POU2F1: variants seen among roughly 807,000 people sequenced by gnomAD.
POU2F1 encodes the protein POU class 2 homeobox 1, also known as POU domain, class 2, transcription factor 1.
POU2F1 carries 16 observed loss-of-function variants against 84.9 expected under a neutral mutation model. The observed-to-expected ratio is 0.19, with a 90% CI of 0.13 to 0.29. The LOEUF is 0.29. Ranked by LOEUF, POU2F1 falls within the 10% of genes least tolerant of loss-of-function variation. The pLI is 1.00. For missense variants in POU2F1, 738 were observed against 942.6 expected (o/e 0.78, Z 2.84); for synonymous variants, 368 against 368.3 (o/e 1.00, Z 0.01).
chr1:167,283,440 A>G (rs1353051565), intron 1 of POU2F1, among the ~76,000 whole-genome samples: 1 of 152,244 alleles, frequency 6.6e-6, no homozygotes, highest in Non-Finnish European at 1.5e-5. Context: ...TTGATGTTAC[A>G]CATAACATGA....
chr1:167,379,162 G>C (rs1647321270), intron 7 of POU2F1: 1 of 152,146 alleles, frequency 6.6e-6, no homozygotes, highest in African/African-American at 2.4e-5. Flanking sequence ...TGAACTCCTG[G>C]GTTCAAGCGA....
At chr1:167,370,965 CTA>C (rs1659968270) in intron 4 of POU2F1, among the ~76,000 whole-genome samples, 1 of 152,102 alleles carries the variant, frequency 6.6e-6, no homozygotes, top group South Asian at 2.1e-4. Flanking sequence ...GTTTAGGTAA[CTA>C]GCAGTCAAGA....
chr1:167,226,801 G>C (rs1648662387), intron 1 of POU2F1, among the ~76,000 whole-genome samples: 1 of 151,984 alleles, frequency 6.6e-6, no homozygotes, highest in Non-Finnish European at 1.5e-5. Flanking sequence ...TTTTGTTTTT[G>C]GGTTTTATTT....
intron 8 of POU2F1, 43 bp from the exon 9 acceptor site, chr1:167,389,545 T>G: frequency 1.9e-6 from 3 of 1,608,098 alleles, no homozygotes; most frequent in Non-Finnish European, 2.6e-6. Context: ...CCTAAATATC[T>G]CTTCACGTGT....
At chr1:167,381,400 A>G (rs969169404) in intron 7 of POU2F1, among the ~76,000 whole-genome samples, 3 of 151,744 alleles carry the variant, frequency 2.0e-5, no homozygotes, top group South Asian at 2.1e-4. Context: ...GGTTTTTTAA[A>G]AAGTTCTAAA....
In POU2F1 at chr1:167,262,274, C is replaced by T. The variant is rs146276522; in HGVS notation, c.61+41316C>T. ...CTCAGGCTCCTAAGCTTAAGTGATC[C>T]TCCCACCTCAGCCTCCCAAGTAGCT... is the stretch of plus-strand genomic sequence containing the variant. On this transcript the variant is annotated intron_variant, in intron 1 of 15. Coordinates refer to ENST00000367866, the MANE Select transcript of POU2F1 (RefSeq NM_002697.4). 2.8e-4 allele frequency among the ~76,000 whole-genome samples: 43 copies of T among 152,206 alleles called. 1 individual carries two copies. Among genetic ancestry groups the T allele is most frequent in the Admixed American group, 2.7e-3 (42 of 15,294 alleles).
chr1:167,354,001 C>T (rs1349113804), intron 2 of POU2F1, among the ~76,000 whole-genome samples: 1 of 152,158 alleles, frequency 6.6e-6, no homozygotes, highest in Non-Finnish European at 1.5e-5. Context: ...TTGCCTGTTT[C>T]CATAATGAAA....
chr1:167,335,594 A>G (rs1434832676), intron 2 of POU2F1, among the ~76,000 whole-genome samples: 1 of 152,158 alleles, frequency 6.6e-6, no homozygotes, highest in African/African-American at 2.4e-5. Flanking sequence ...AGCAAAACTG[A>G]GCAATCATTC....
intron 1 of POU2F1, among the ~76,000 whole-genome samples, chr1:167,319,677 A>G (rs1032029486): frequency 2.0e-5 from 3 of 151,756 alleles, no homozygotes; most frequent in Admixed American, 6.6e-5. Context: ...AAAAGGTGAC[A>G]TTTAACACAA....
intron 1 of POU2F1, among the ~76,000 whole-genome samples, chr1:167,234,744 T>C (rs1225307457): frequency 6.6e-6 from 1 of 152,140 alleles, no homozygotes; most frequent in African/African-American, 2.4e-5. Context: ...TTAAAACAAA[T>C]ATATATGAAA....
intron 13 of POU2F1, among the ~76,000 whole-genome samples, chr1:167,402,143 G>A (rs1571450081): frequency 6.6e-6 from 1 of 151,696 alleles, no homozygotes; most frequent in African/African-American, 2.4e-5. Context: ...TTTTCCTTTG[G>A]CCTCTTTTAA....
chr1:167,339,848 T>C, intron 2 of POU2F1, among the ~76,000 whole-genome samples: 1 of 152,360 alleles, frequency 6.6e-6, no homozygotes, highest in East Asian at 1.9e-4. Flanking sequence ...TAAAACAATT[T>C]GTTATAATCA....
intron 9 of POU2F1, among the ~76,000 whole-genome samples, chr1:167,390,537 C>A (rs1375186489): frequency 6.6e-6 from 1 of 152,164 alleles, no homozygotes; most frequent in African/African-American, 2.4e-5. Flanking sequence ...GTAATCCCAG[C>A]ACTTTGGGAG....
intron 1 of POU2F1, among the ~76,000 whole-genome samples, chr1:167,309,430 C>CT (rs1655307109): frequency 6.6e-6 from 1 of 152,110 alleles, no homozygotes; most frequent in East Asian, 1.9e-4. Flanking sequence ...ACTTCACTCT[C>CT]ATTATCCTTA....
intron 15 of POU2F1, 73 bp from the exon 16 acceptor site, chr1:167,415,427 T>C: frequency 6.8e-7 from 1 of 1,463,720 alleles, no homozygotes. Context: ...AGACTTTTGA[T>C]GTGTTATTTG....
intron 1 of POU2F1, chr1:167,257,909 G>A (rs1230892004): frequency 6.6e-6 from 1 of 151,764 alleles, no homozygotes; most frequent in East Asian, 1.9e-4. Context: ...TGAGTAGCTG[G>A]GACTACAGGT....
chr1:167,259,110 A>G (rs1011280121), intron 1 of POU2F1, among the ~76,000 whole-genome samples: 2 of 152,208 alleles, frequency 1.3e-5, no homozygotes, highest in South Asian at 2.1e-4. Flanking sequence ...GTAGGCTAAG[A>G]TGCTTCAGCA....
chr1:167,300,356 A>C (rs1319442191), intron 1 of POU2F1, among the ~76,000 whole-genome samples: 1 of 152,230 alleles, frequency 6.6e-6, no homozygotes, highest in Non-Finnish European at 1.5e-5. Context: ...TAGAAGCCAA[A>C]ACTTCAGTAT....
intron 2 of POU2F1, among the ~76,000 whole-genome samples, chr1:167,344,324 A>G (rs1159338242): frequency 1.3e-5 from 2 of 152,214 alleles, no homozygotes; most frequent in Non-Finnish European, 2.9e-5. Flanking sequence ...AAGTCCTGCC[A>G]TAGGAGCCTT....
Sources: gnomAD v4.1 joint callset for allele counts (sites outside exome capture counted in the v4.1 genomes callset) on GRCh38, gnomAD v4.1.1 for gene constraint, MANE v1.5 for transcripts, NCBI Gene and HGNC (gene_info 2026-07-23, HGNC 2026-07-21) for gene names.